The following KAT6B variants were observed in gnomAD, a reference collection of about 807,000 sequenced individuals.
KAT6B encodes the protein histone acetyltransferase KAT6B.
A neutral mutation model predicts 187.5 loss-of-function variants in KAT6B; 10 were observed. The ratio of observed to expected loss-of-function variants is 0.05; its 90% CI spans 0.03 to 0.09. KAT6B has a LOEUF of 0.09. KAT6B is among the 10% of genes least tolerant of loss of function. The pLI is 1.00. For synonymous variants in KAT6B, 861 were observed against 926.8 expected (o/e 0.93, Z 1.29); for missense variants, 1,952 against 2,558.9 (o/e 0.76, Z 5.12).
intron 3 of KAT6B, among the ~76,000 whole-genome samples, chr10:74,888,728 C>T (rs1331165461): frequency 6.6e-6 from 1 of 152,094 alleles, no homozygotes; most frequent in Non-Finnish European, 1.5e-5. Context: ...GTGAAATACA[C>T]CTGAACACAT....
At chr10:74,995,868 CTGTT>C (rs998669597) in intron 13 of KAT6B, among the ~76,000 whole-genome samples, 2 of 152,234 alleles carry the variant, frequency 1.3e-5, no homozygotes, top group African/African-American at 4.8e-5. Flanking sequence ...TGTTAGGACT[CTGTT>C]TGGCTAGGTA....
intron 1 of KAT6B, 102 bp from the exon 2 acceptor site, chr10:74,838,581 T>C (rs1042748497): frequency 2.0e-5 from 3 of 152,214 alleles, no homozygotes; most frequent in African/African-American, 7.2e-5. Context: ...TAATAACTCA[T>C]TGGAGCTGTT....
chr10:74,929,554 C>G (rs1012709042), intron 3 of KAT6B, among the ~76,000 whole-genome samples: 1 of 152,072 alleles, frequency 6.6e-6, no homozygotes, highest in Non-Finnish European at 1.5e-5. Flanking sequence ...GTCTAATTAT[C>G]TGTAAAATGG....
At chr10:74,834,518 A>G (rs1401318691) in intron 1 of KAT6B, among the ~76,000 whole-genome samples, 4 of 149,674 alleles carry the variant, frequency 2.7e-5, no homozygotes, top group Non-Finnish European at 4.5e-5. Context: ...TCATTTTTAA[A>G]TTATATTTGT....
chr10:74,864,340 A>G (rs552014178), intron 3 of KAT6B, among the ~76,000 whole-genome samples: 85 of 152,124 alleles, frequency 5.6e-4, no homozygotes, highest in Non-Finnish European at 1.1e-3. Flanking sequence ...TCCCAGGTTC[A>G]GGCGATTCTC....
At chr10:74,917,541 A>T (rs1310645570) in intron 3 of KAT6B, among the ~76,000 whole-genome samples, 1 of 152,162 alleles carries the variant, frequency 6.6e-6, no homozygotes, top group Non-Finnish European at 1.5e-5. Flanking sequence ...CCAGTCACTG[A>T]GATTGGTGCT....
chr10:75,010,290 G>A (rs761495246), intron 13 of KAT6B, among the ~76,000 whole-genome samples: 11 of 152,350 alleles, frequency 7.2e-5, no homozygotes, highest in South Asian at 2.1e-4. Context: ...GACAACTAGC[G>A]ACAGTTTCTC....
At chr10:74,886,609 GC>G (rs1845292653) in intron 3 of KAT6B, among the ~76,000 whole-genome samples, 1 of 152,170 alleles carries the variant, frequency 6.6e-6, no homozygotes, top group Non-Finnish European at 1.5e-5. Context: ...GTTATAGTTG[GC>G]TGATGCTCTT....
intron 13 of KAT6B, among the ~76,000 whole-genome samples, chr10:74,995,782 T>C (rs563959539): frequency 6.6e-6 from 1 of 152,356 alleles, no homozygotes; most frequent in South Asian, 2.1e-4. Flanking sequence ...AAAAGTAGTG[T>C]CATGAGTAAT....
At chr10:74,856,218 T>C (rs1448891645) in intron 3 of KAT6B, among the ~76,000 whole-genome samples, 2 of 152,192 alleles carry the variant, frequency 1.3e-5, no homozygotes, top group Non-Finnish European at 2.9e-5. Flanking sequence ...CCCGAGCAGC[T>C]GGGACTACAG....
intron 13 of KAT6B, among the ~76,000 whole-genome samples, chr10:75,000,770 G>T (rs1843775688): frequency 6.6e-6 from 1 of 152,132 alleles, no homozygotes; most frequent in Admixed American, 6.5e-5. Context: ...AGTCCTTCAT[G>T]GAACAAGGCT....
In KAT6B at chr10:74,890,491, T is replaced by A. The variant is rs118087048; in HGVS notation, c.621+47013T>A. 5.7e-3 allele frequency among the ~76,000 whole-genome samples: 864 copies of A among 152,074 alleles called. 17 individuals carry two copies. Among genetic ancestry groups the A allele is most frequent in the Admixed American group, 0.024 (360 of 15,268 alleles). On this transcript the variant is annotated intron_variant, in intron 3 of 17. Transcript: ENST00000287239. ...CCGTCCGTACTAATAATATAAAAAA[T>A]TAGCCGGGCCACTGCACTCCAGCCT...
intron 13 of KAT6B, among the ~76,000 whole-genome samples, chr10:75,003,999 A>G (rs891356556): frequency 6.6e-6 from 1 of 151,550 alleles, no homozygotes; most frequent in Non-Finnish European, 1.5e-5. Context: ...TCTGAAAGCT[A>G]GTGTTTTGCC....
chr10:74,989,811 G>C (rs1271677842), intron 13 of KAT6B, among the ~76,000 whole-genome samples: 1 of 151,634 alleles, frequency 6.6e-6, no homozygotes. Flanking sequence ...TGTAAATGTT[G>C]TGTTAGGGGT....
intron 4 of KAT6B, among the ~76,000 whole-genome samples, chr10:74,964,394 T>C (rs1005973864): frequency 1.3e-5 from 2 of 152,194 alleles, no homozygotes; most frequent in African/African-American, 4.8e-5. Context: ...AGAGAATCTT[T>C]TTTCTTGAAG....
chr10:74,971,050 G>A (rs920358532), intron 6 of KAT6B, among the ~76,000 whole-genome samples: 6 of 152,080 alleles, frequency 3.9e-5, no homozygotes, highest in African/African-American at 1.4e-4. Context: ...GTGTGCTCCA[G>A]TTTGCCACAA....
At chr10:74,836,048 C>T (rs1256554826) in intron 1 of KAT6B, among the ~76,000 whole-genome samples, 2 of 152,218 alleles carry the variant, frequency 1.3e-5, no homozygotes, top group African/African-American at 2.4e-5. Flanking sequence ...CTGGATGTCT[C>T]ATATGAATGA....
chr10:74,942,765 CAAAAAAAAAAAAA>C (rs56276008), intron 3 of KAT6B, among the ~76,000 whole-genome samples: 1 of 9,356 alleles, frequency 1.1e-4, no homozygotes, highest in African/African-American at 2.4e-4. Flanking sequence ...AACTCCATCG[CAAAAAAAAAAAAA>C]AAAAAAAAAA....
chr10:74,830,754 A>ATATATATATATATATG (rs1564891963), intron 1 of KAT6B, among the ~76,000 whole-genome samples: 3 of 24,356 alleles, frequency 1.2e-4, no homozygotes, highest in African/African-American at 8.5e-4. Context: ...ATATATATAT[A>ATATATATATATATATG]TATATATATA....
Sources: gnomAD v4.1 joint callset for allele counts (sites outside exome capture counted in the v4.1 genomes callset) on GRCh38, gnomAD v4.1.1 for gene constraint, MANE v1.5 for transcripts, NCBI Gene and HGNC (gene_info 2026-07-23, HGNC 2026-07-21) for gene names.